The following EEF1D variants were observed in gnomAD, a reference collection of about 807,000 sequenced individuals.
The protein encoded by EEF1D is elongation factor 1-delta.
EEF1D carries 47 observed loss-of-function variants against 63.9 expected under a neutral mutation model. That is an observed-to-expected ratio of 0.74 (90% CI 0.58 to 0.94). The LOEUF is 0.94. EEF1D is among the 40% of genes least tolerant of loss of function. The pLI, the probability that EEF1D is intolerant of heterozygous loss-of-function variation, is 0.00. For synonymous variants in EEF1D, 412 were observed against 386.1 expected, an observed-to-expected ratio of 1.07 and a Z score of -0.79; for missense variants, 907 against 899.0, an observed-to-expected ratio of 1.01 and a Z score of -0.11.
Position 143,589,437 on chromosome 8 carries a change from C to G in EEF1D, c.645G>C (p.Pro215=), listed in dbSNP as rs779714852. Residue 215 remains proline (P), a synonymous_variant, in exon 3 of 10, where the codon CCG becomes CCC. Transcript: ENST00000618139. ...TGCCCAGCGGGGGCTGGCCATTGACCGGTGGGCTGGGCTGGTGGGCCAGGT... is the reference window on the plus strand; with the variant it reads ...TGCCCAGCGGGGGCTGGCCATTGACGGGTGGGCTGGGCTGGTGGGCCAGGT... The part of the protein sequence containing the change: ...VPDLAHQPSP[P]VNGQPPLGSL... 1.3e-6 allele frequency: 2 copies of G among 1,528,940 alleles called. No individual in the cohort carries two copies. The allele number at this position is 1,528,940 out of a possible 1,614,324, so 94.7% of individuals were successfully genotyped here.
At chr8:143,596,704 C>T (rs2242095) in intron 1 of EEF1D, 23,221 of 152,292 alleles carry the variant, frequency 0.15, 1,948 homozygotes, top group Middle Eastern at 0.25. Flanking sequence ...CTCATCAGGT[C>T]CCCAACCCAC....
intron 1 of EEF1D, chr8:143,596,735 C>T (rs891027353): frequency 2.6e-5 from 4 of 152,332 alleles, no homozygotes; most frequent in African/African-American, 4.8e-5. Flanking sequence ...TTGCCTTCTT[C>T]CTTCCACTTA....
chr8:143,587,034 C>T (rs550083248), intron 3 of EEF1D, 182 bp from the exon 4 acceptor site: 19 of 734,502 alleles, frequency 2.6e-5, no homozygotes, highest in Admixed American at 1.2e-4. Flanking sequence ...GTCTTCCAGA[C>T]GAGGAGTTCT....
chr8:143,580,437 C>T (rs1404638832), intron 8 of EEF1D, 69 bp downstream of exon 8: 1 of 1,550,884 alleles, frequency 6.4e-7, no homozygotes, highest in Admixed American at 1.7e-5. Context: ...GGGAGGGTCA[C>T]AGGCTGAGCC....
intron 1 of EEF1D, chr8:143,593,879 C>T (rs1215479960): frequency 1.3e-5 from 13 of 985,324 alleles, no homozygotes; most frequent in Middle Eastern, 1.0e-3. Context: ...GAGGACCTGC[C>T]GGACGCAGCG....
At chr8:143,585,555 C>A (rs1004211886) in intron 5 of EEF1D, among the ~76,000 whole-genome samples, 2 of 152,236 alleles carry the variant, frequency 1.3e-5, no homozygotes, top group African/African-American at 2.4e-5. Flanking sequence ...CACAGAAACA[C>A]TGACCCCGTT....
Position 143,580,219 on chromosome 8 carries a change from G to A in EEF1D, c.1711-13C>T. On this transcript the variant is annotated splice_polypyrimidine_tract_variant and intron_variant, in intron 8 of 9. Coordinates refer to ENST00000618139, the MANE Select transcript of EEF1D (RefSeq NM_001130053.5). ...TCTCATCATCCCACTGTGGGGAAAG[G>A]GGAGGAAAAGCTGGGGTCAGCCACC... 6.2e-7 allele frequency: 1 copy of A among 1,610,080 alleles called. No homozygotes were observed. The highest frequency in any genetic ancestry group is 8.5e-7 in the Non-Finnish European group (1 of 1,177,520).
At chr8:143,586,126 T>C in intron 5 of EEF1D, 93 bp downstream of exon 5, 1 of 1,236,072 alleles carries the variant, frequency 8.1e-7, no homozygotes. Context: ...CTGACTCTGC[T>C]GTGAAGCCAA....
intron 4 of EEF1D, 147 bp from the exon 5 acceptor site, chr8:143,586,437 G>T: frequency 2.4e-6 from 2 of 829,482 alleles, no homozygotes; most frequent in South Asian, 2.0e-5. Context: ...CCAGAAAAGC[G>T]GGAGATGCCT....
intron 1 of EEF1D, among the ~76,000 whole-genome samples, chr8:143,594,999 C>T (rs1373088343): frequency 3.3e-5 from 5 of 152,114 alleles, no homozygotes; most frequent in African/African-American, 4.8e-5. Flanking sequence ...TCCAACTCCC[C>T]GGTTCAAGCG....
chr8:143,585,767 G>A (rs533658700), intron 5 of EEF1D, among the ~76,000 whole-genome samples: 43 of 152,312 alleles, frequency 2.8e-4, no homozygotes, highest in African/African-American at 7.5e-4. Flanking sequence ...AACTCAAGAC[G>A]GTGCCAACTC....
At chr8:143,596,985 A>T (rs1176712696) in intron 1 of EEF1D, 1 of 152,264 alleles carries the variant, frequency 6.6e-6, no homozygotes, top group African/African-American at 2.4e-5. Flanking sequence ...GAAGGTCTGC[A>T]GGCCAGAGAA....
intron 9 of EEF1D, 46 bp from the exon 10 acceptor site, chr8:143,579,876 C>T (rs371624503): frequency 1.7e-4 from 261 of 1,537,284 alleles, no homozygotes; most frequent in Non-Finnish European, 2.1e-4. Flanking sequence ...CCCCTACAGC[C>T]CACTCGGAGC....
chr8:143,596,084 C>T (rs1433982246), intron 1 of EEF1D: 1 of 152,358 alleles, frequency 6.6e-6, no homozygotes, highest in African/African-American at 2.4e-5. Context: ...GCACGTGTGC[C>T]CACCTGTGCT....
At chr8:143,587,107 G>A (rs189243076) in intron 3 of EEF1D, 8 of 350,170 alleles carry the variant, frequency 2.3e-5, no homozygotes, top group Admixed American at 4.5e-5. Context: ...ACACGAAGCT[G>A]GGTTTATGTC....
chr8:143,580,852 G>C, intron 7 of EEF1D, 125 bp from the exon 8 acceptor site: 1 of 1,234,028 alleles, frequency 8.1e-7, no homozygotes, highest in Non-Finnish European at 1.2e-6. Flanking sequence ...GTGTACCGCA[G>C]CTGTGTACAT....
chr8:143,581,104 C>G lies in EEF1D; in HGVS notation c.1438G>C (p.Val480Leu), dbSNP rs763950443. ...AISKLEARLN[V>L]LEKSSPGHRA... ...TGGCCAGGCGAGCTCTTCTCCAGCA[C>G]GTTCAGCCGGGCCTCCAGCTTGGAG... Residue 480 changes from valine to leucine, a missense_variant, in exon 7 of 10, where the codon GTG becomes CTG. Physicochemically the swap from Val to Leu is conservative, Grantham distance 32. Transcript: ENST00000618139. 1.2e-6 allele frequency: 2 copies of G among 1,612,816 alleles called. No individual in the cohort carries two copies. Among genetic ancestry groups the G allele is most frequent in the Non-Finnish European group, 1.7e-6 (2 of 1,179,966 alleles).
intron 5 of EEF1D, chr8:143,582,086 T>G (rs936239866): frequency 6.6e-6 from 1 of 152,276 alleles, no homozygotes; most frequent in Non-Finnish European, 1.5e-5. Context: ...TCCCTCTCTG[T>G]GGGGAGGGGC....
chr8:143,588,588 C>T (rs1325365778), intron 3 of EEF1D, among the ~76,000 whole-genome samples: 1 of 152,218 alleles, frequency 6.6e-6, no homozygotes, highest in Admixed American at 6.5e-5. Flanking sequence ...CACATCTCAT[C>T]GCAGGGGAGC....
Sources: gnomAD v4.1 joint callset for allele counts (sites outside exome capture counted in the v4.1 genomes callset) on GRCh38, gnomAD v4.1.1 for gene constraint, MANE v1.5 for transcripts, NCBI Gene and HGNC (gene_info 2026-07-23, HGNC 2026-07-21) for gene names.